Variants in RGS7 observed in about 807,000 individuals in gnomAD.
RGS7 encodes the protein regulator of G-protein signaling 7.
RGS7 carries 27 observed loss-of-function variants against 81.1 expected under a neutral mutation model. The ratio of observed to expected loss-of-function variants is 0.33; its 90% CI spans 0.25 to 0.46. The LOEUF is 0.46. RGS7 is among the 20% of genes least tolerant of loss of function. The pLI, the probability that RGS7 is intolerant of heterozygous loss-of-function variation, is 1.00. For synonymous variants in RGS7, 208 were observed against 207.7 expected (o/e 1.00, Z -0.01); for missense variants, 396 against 607.4 (o/e 0.65, Z 3.66).
chr1:240,920,399 T>A, intron 6 of RGS7: 1 of 1,468,060 alleles, frequency 6.8e-7, no homozygotes, highest in South Asian at 1.1e-5. Flanking sequence ...TTGGTAATGA[T>A]GCCAGCAATT....
intron 6 of RGS7, among the ~76,000 whole-genome samples, chr1:240,909,016 A>G (rs1310366575): frequency 3.3e-5 from 5 of 152,198 alleles, no homozygotes; most frequent in African/African-American, 9.7e-5. Context: ...CTTTCCTAGA[A>G]AGTCTGCCTG....
chr1:241,002,975 A>G (rs1463771864), intron 3 of RGS7, among the ~76,000 whole-genome samples: 11 of 152,194 alleles, frequency 7.2e-5, no homozygotes, highest in Admixed American at 7.2e-4. Context: ...GTTTTCATAC[A>G]CTTGTTAGTT....
chr1:241,262,141 C>T (rs2077369952), intron 2 of RGS7, among the ~76,000 whole-genome samples: 1 of 152,162 alleles, frequency 6.6e-6, no homozygotes, highest in Non-Finnish European at 1.5e-5. Flanking sequence ...ATTCCCCATT[C>T]CCCCTTGCAA....
intron 18 of RGS7, among the ~76,000 whole-genome samples, chr1:240,795,540 A>G (rs923730467): frequency 6.6e-6 from 1 of 152,242 alleles, no homozygotes. Context: ...GTAAATTTAC[A>G]TTCCATTTAA....
At chr1:241,261,577 C>T (rs974291727) in intron 2 of RGS7, among the ~76,000 whole-genome samples, 2 of 147,774 alleles carry the variant, frequency 1.4e-5, no homozygotes, top group Admixed American at 6.9e-5. Context: ...TGCAGTGAGC[C>T]GAGATCGTGC....
intron 2 of RGS7, among the ~76,000 whole-genome samples, chr1:241,189,997 G>A (rs1173700428): frequency 4.6e-5 from 7 of 152,110 alleles, no homozygotes; most frequent in Non-Finnish European, 8.8e-5. Flanking sequence ...CAGCTACTCG[G>A]GAGGCTGAGG....
intron 3 of RGS7, among the ~76,000 whole-genome samples, chr1:241,058,449 GC>G (rs2061583286): frequency 6.6e-6 from 1 of 152,184 alleles, no homozygotes; most frequent in Admixed American, 6.5e-5. Flanking sequence ...TGCCCTCTTG[GC>G]CCTCTTCCAA....
chr1:241,041,419 G>C (rs556008519), intron 3 of RGS7, among the ~76,000 whole-genome samples: 1 of 152,152 alleles, frequency 6.6e-6, no homozygotes, highest in South Asian at 2.1e-4. Context: ...GCAAAAGCTT[G>C]TCTGTACTTA....
chr1:240,895,225 T>G (rs1668867036), intron 6 of RGS7, among the ~76,000 whole-genome samples: 1 of 152,214 alleles, frequency 6.6e-6, no homozygotes, highest in Non-Finnish European at 1.5e-5. Flanking sequence ...CTGAACAGCC[T>G]GCAGAACCAT....
chr1:241,164,014 G>T lies in RGS7; in HGVS notation c.79-65252C>A, dbSNP rs1008646608. ...CCCAGTTTATTTCACCTGTGCTTCT[G>T]ACAGACCAGCTGGAAATTAGAGATC... On this transcript the variant is annotated intron_variant, in intron 2 of 18. Coordinates refer to ENST00000440928, the MANE Select transcript of RGS7 (RefSeq NM_001364886.1). This position sits in a 1 kb window ranked among gnomAD's most constrained non-coding sequence, Gnocchi z 4.1. Among the ~76,000 whole-genome samples the T allele has an allele frequency of 2.0e-5, 3 of 152,120 alleles. No homozygotes were observed. Among genetic ancestry groups the T allele is most frequent in the African/African-American group, 7.2e-5 (3 of 41,414 alleles).
intron 6 of RGS7, among the ~76,000 whole-genome samples, chr1:240,889,239 GA>G (rs1667880927): frequency 6.6e-6 from 1 of 152,206 alleles, no homozygotes; most frequent in Admixed American, 6.5e-5. Context: ...TTACAGACGT[GA>G]GCCACTGCAC....
Position 240,827,167 on chromosome 1 carries a change from T to C in RGS7, c.615A>G (p.Gly205=). 6.2e-7 allele frequency: 1 copy of C among 1,612,804 alleles called. No individual in the cohort carries two copies. Among genetic ancestry groups the C allele is most frequent in the Non-Finnish European group, 8.5e-7 (1 of 1,178,804 alleles). ...AFWDVHRPVP[G]CVNTTEVDIK... Reference sequence around the variant, plus strand: ...TGTCCACTTCAGTTGTATTTACACATCCAGGCTGGGAATGGAAAAACAGAG... The same window carrying C: ...TGTCCACTTCAGTTGTATTTACACACCCAGGCTGGGAATGGAAAAACAGAG... Residue 205 remains glycine, a synonymous_variant, in exon 10 of 19, where the codon GGA becomes GGG. Transcript: ENST00000440928.
chr1:240,990,983 G>A (rs1686371645), intron 3 of RGS7, among the ~76,000 whole-genome samples: 1 of 152,192 alleles, frequency 6.6e-6, no homozygotes, highest in African/African-American at 2.4e-5. Context: ...TAAGAGCAGA[G>A]TCACAGAAAA....
chr1:241,268,523 T>C (rs2077710217), intron 2 of RGS7, among the ~76,000 whole-genome samples: 3 of 152,148 alleles, frequency 2.0e-5, no homozygotes, highest in Non-Finnish European at 4.4e-5. Flanking sequence ...CTCCCTGAGG[T>C]CTGAGTTCTT....
intron 3 of RGS7, among the ~76,000 whole-genome samples, chr1:241,056,727 A>T (rs1239679961): frequency 4.6e-5 from 7 of 152,240 alleles, no homozygotes; most frequent in Admixed American, 4.6e-4. Flanking sequence ...TCATTTCAGC[A>T]CATTAAACTG....
At chr1:241,089,019 C>CTCTCTCTCTCTCTCTCTCTCT (rs1558700011) in intron 3 of RGS7, among the ~76,000 whole-genome samples, 1 of 105,056 alleles carries the variant, frequency 9.5e-6, no homozygotes, top group Non-Finnish European at 1.9e-5. Context: ...GAGCAAGACT[C>CTCTCTCTCTCTCTCTCTCTCT]CATCTCTCTC....
chr1:241,256,926 TACACACACACACACAC>T (rs10552436), intron 2 of RGS7, among the ~76,000 whole-genome samples: 1 of 146,166 alleles, frequency 6.8e-6, no homozygotes, highest in East Asian at 2.1e-4. Flanking sequence ...CCACTAGAAA[TACACACACACACACAC>T]ACACACACAC....
At chr1:240,781,719 G>C (rs375912674) in intron 18 of RGS7, among the ~76,000 whole-genome samples, 3 of 151,984 alleles carry the variant, frequency 2.0e-5, no homozygotes, top group African/African-American at 7.2e-5. Flanking sequence ...ACAACTAACA[G>C]TTAACAGATC....
chr1:241,211,572 A>G (rs2074246724), intron 2 of RGS7, among the ~76,000 whole-genome samples: 2 of 152,184 alleles, frequency 1.3e-5, no homozygotes, highest in South Asian at 4.1e-4. Context: ...GTTGGTACTC[A>G]TAAAGGTTGG....
Sources: allele counts gnomAD v4.1 joint callset (sites outside exome capture counted in the v4.1 genomes callset), GRCh38; gene constraint gnomAD v4.1.1; non-coding constraint Gnocchi (gnomAD v3.1); transcripts MANE v1.5; gene names NCBI Gene and HGNC (gene_info 2026-07-23, HGNC 2026-07-21).